ZNF670: variants seen among roughly 807,000 people sequenced by gnomAD.
ZNF670 encodes the protein zinc finger protein 670.
Under a neutral mutation model 10.9 loss-of-function variants are expected in ZNF670, and 7 were observed. That is an observed-to-expected ratio of 0.64 (90% CI 0.36 to 1.20). ZNF670 has a LOEUF of 1.20. ZNF670 is among the 50% of genes most tolerant of loss of function. The pLI, the probability that ZNF670 is intolerant of heterozygous loss-of-function variation, is 0.02. For missense variants in ZNF670, 446 were observed against 458.6 expected (o/e 0.97, Z 0.25); for synonymous variants, 136 against 152.7 (o/e 0.89, Z 0.81).
rs373463984 is a variant in ZNF670 at position 247,039,407 on chromosome 1, T to C, written c.130+4A>G. 3.2e-5 allele frequency: 51 copies of C among 1,602,582 alleles called. No homozygotes were observed. Among genetic ancestry groups the C allele is most frequent in the Non-Finnish European group, 3.7e-5 (43 of 1,176,064 alleles). On this transcript the variant is annotated splice_donor_region_variant and intron_variant, in intron 2 of 3. Coordinates refer to ENST00000366503, the MANE Select transcript of ZNF670 (RefSeq NM_033213.5). ...ACTACGTGAATAAGTGTTGTTATTC[T>C]TACCTACAGAAGCCAGGTTCCTGAA...
chr1:247,071,231 C>G (rs1671106627), intron 1 of ZNF670, among the ~76,000 whole-genome samples: 1 of 152,178 alleles, frequency 6.6e-6, no homozygotes, highest in Admixed American at 6.5e-5. Flanking sequence ...ATATGCCCAG[C>G]AACAGTAAAA....
chr1:247,042,146 A>G (rs555707460), intron 1 of ZNF670, among the ~76,000 whole-genome samples: 35 of 152,352 alleles, frequency 2.3e-4, no homozygotes, highest in Non-Finnish European at 4.1e-4. Flanking sequence ...GTAAAAGAAC[A>G]CAATTTTTAT....
At chr1:247,053,699 G>A (rs540791123) in intron 1 of ZNF670, among the ~76,000 whole-genome samples, 1 of 152,144 alleles carries the variant, frequency 6.6e-6, no homozygotes, top group South Asian at 2.1e-4. Flanking sequence ...TGCCAACTTG[G>A]GTCACATTCT....
At chr1:247,046,776 C>G (rs142878779) in intron 1 of ZNF670, among the ~76,000 whole-genome samples, 30 of 152,272 alleles carry the variant, frequency 2.0e-4, no homozygotes, top group Non-Finnish European at 3.2e-4. Context: ...AAGCAGAAAG[C>G]ACTGTGAGCC....
chr1:247,062,443 T>A (rs541338138), intron 1 of ZNF670, among the ~76,000 whole-genome samples: 1 of 152,324 alleles, frequency 6.6e-6, no homozygotes, highest in East Asian at 1.9e-4. Flanking sequence ...CTCGAAAATA[T>A]TTTACCTTTT....
chr1:247,064,998 G>A (rs113441796), intron 1 of ZNF670, among the ~76,000 whole-genome samples: 2,231 of 152,070 alleles, frequency 0.015, 63 homozygotes, highest in African/African-American at 0.052. Flanking sequence ...TTGTAGAGAC[G>A]GGGTTTTACC....
At position 247,043,940 on chromosome 1, in the gene ZNF670, G is replaced by A. The variant is rs188050180; in HGVS notation, c.4-4403C>T. 336 of 192,824 alleles carry A rather than the reference G, an allele frequency of 1.7e-3. 1 individual carries two copies. Among genetic ancestry groups the A allele is most frequent in the Non-Finnish European group, 3.1e-3 (288 of 93,368 alleles). The allele number at this position is 192,824 out of a possible 1,614,324, so 11.9% of individuals were successfully genotyped here. A position where few individuals can be genotyped will look rare whatever the true frequency, so the allele number is the denominator to read the frequency against. ...ATATAAGACCAGTCTAGCACCTTAT[G>A]TGAGTTTTTGAACAACTTCTTGAAA... On this transcript the variant is annotated intron_variant, in intron 1 of 3. Transcript: ENST00000366503.
chr1:247,041,826 TCAC>T (rs1274608312), intron 1 of ZNF670, among the ~76,000 whole-genome samples: 2 of 152,178 alleles, frequency 1.3e-5, no homozygotes, highest in Non-Finnish European at 2.9e-5. Flanking sequence ...CACAAGGAAA[TCAC>T]CAATAAACCT....
At chr1:247,056,393 T>C (rs1189379336) in intron 1 of ZNF670, among the ~76,000 whole-genome samples, 2 of 152,198 alleles carry the variant, frequency 1.3e-5, no homozygotes, top group African/African-American at 2.4e-5. Context: ...TTGTAAACTC[T>C]ACAGATCCAC....
At chr1:247,077,627 A>G (rs74152906) in intron 1 of ZNF670, among the ~76,000 whole-genome samples, 1,660 of 152,350 alleles carry the variant, frequency 0.011, 25 homozygotes, top group African/African-American at 0.038. Flanking sequence ...GAAAAAAATA[A>G]CACACTTCAT....
At chr1:247,064,511 T>C (rs571929875) in intron 1 of ZNF670, among the ~76,000 whole-genome samples, 1 of 152,196 alleles carries the variant, frequency 6.6e-6, no homozygotes, top group South Asian at 2.1e-4. Context: ...GGCATTTGCA[T>C]TGAAGCAGAA....
chr1:247,053,653 C>G (rs1462319860), intron 1 of ZNF670, among the ~76,000 whole-genome samples: 2 of 151,450 alleles, frequency 1.3e-5, no homozygotes, highest in Non-Finnish European at 2.9e-5. Flanking sequence ...AAAAAACAAA[C>G]AAACAAACAA....
chr1:247,071,660 A>G (rs1260933248), intron 1 of ZNF670, among the ~76,000 whole-genome samples: 1 of 152,248 alleles, frequency 6.6e-6, no homozygotes, highest in Non-Finnish European at 1.5e-5. Flanking sequence ...TGAATGATGA[A>G]GGTCTGAATA....
chr1:247,076,477 C>T (rs1217551566), intron 1 of ZNF670, among the ~76,000 whole-genome samples: 4 of 151,908 alleles, frequency 2.6e-5, no homozygotes, highest in Admixed American at 6.6e-5. Context: ...AGGATGATCT[C>T]GATCTCCTGA....
intron 1 of ZNF670, among the ~76,000 whole-genome samples, chr1:247,065,824 A>G (rs1465578050): frequency 3.3e-5 from 5 of 152,266 alleles, no homozygotes; most frequent in African/African-American, 1.2e-4. Context: ...ATATTTATGA[A>G]GGGTCAGTTT....
intron 1 of ZNF670, among the ~76,000 whole-genome samples, chr1:247,048,912 G>A (rs892159185): frequency 2.6e-5 from 4 of 152,042 alleles, no homozygotes; most frequent in Non-Finnish European, 5.9e-5. Context: ...TCTCAATGCC[G>A]CTCCTTGTTA....
At chr1:247,039,927 C>T (rs1028661119) in intron 1 of ZNF670, among the ~76,000 whole-genome samples, 2 of 152,324 alleles carry the variant, frequency 1.3e-5, no homozygotes, top group South Asian at 4.1e-4. Context: ...TTAGAAATAC[C>T]TGCTCACAAA....
chr1:247,051,149 A>G (rs986956436), intron 1 of ZNF670, among the ~76,000 whole-genome samples: 5 of 151,942 alleles, frequency 3.3e-5, no homozygotes, highest in Non-Finnish European at 7.4e-5. Flanking sequence ...TCTATTAAAA[A>G]TACAAAAAAT....
rs1423015110 is a variant in ZNF670 at position 247,068,317 on chromosome 1, T to C, written c.3+10277A>G. ...CTAGGTGACAGAGTAAGATTCTGTC[T>C]CCAAAAAAAAAAAAAAAAAAGATGG... On this transcript the variant is annotated intron_variant, in intron 1 of 3. Transcript: ENST00000366503. 9.9e-4 allele frequency among the ~76,000 whole-genome samples: 27 copies of C among 27,314 alleles called. No individual in the cohort carries two copies. The African/African-American group carries it at 0.015, about 15-fold the overall frequency. The allele number at this position is 27,314 out of a possible 152,430, so 17.9% of individuals were successfully genotyped here. A position where few individuals can be genotyped will look rare whatever the true frequency, so the allele number is the denominator to read the frequency against.
Sources: allele counts gnomAD v4.1 joint callset (sites outside exome capture counted in the v4.1 genomes callset), GRCh38; gene constraint gnomAD v4.1.1; transcripts MANE v1.5; gene names NCBI Gene and HGNC (gene_info 2026-07-23, HGNC 2026-07-21).